STOX2: variants seen among roughly 807,000 people sequenced by gnomAD.
STOX2 encodes storkhead box 2, also known as storkhead-box protein 2.
Under a neutral mutation model 60.9 loss-of-function variants are expected in STOX2, and 28 were observed. The ratio of observed to expected loss-of-function variants is 0.46; its 90% CI spans 0.34 to 0.63. The LOEUF is 0.63. STOX2 is among the 30% of genes least tolerant of loss of function. The pLI is 0.01. For missense variants in STOX2, 1,024 were observed against 1,187.7 expected, an observed-to-expected ratio of 0.86 and a Z score of 2.03; for synonymous variants, 472 against 463.9, an observed-to-expected ratio of 1.02 and a Z score of -0.22.
intron 1 of STOX2, among the ~76,000 whole-genome samples, chr4:183,961,743 G>A (rs12186162): frequency 2.8e-4 from 42 of 152,294 alleles, no homozygotes; most frequent in African/African-American, 8.9e-4. Flanking sequence ...TATGGTTTCC[G>A]TTTATATGGC....
In STOX2 at chr4:183,996,102, A is replaced by T. The variant is rs939900616; in HGVS notation, c.167-5223A>T. ...TATTTTCATGTCTTTTCACATTTTA[A>T]GCTCGCTTAAAAATCTATGGAATGC... On this transcript the variant is annotated intron_variant, in intron 1 of 3. Coordinates refer to ENST00000308497, the MANE Select transcript of STOX2 (RefSeq NM_020225.3). Among the ~76,000 whole-genome samples the T allele has an allele frequency of 7.9e-5, 12 of 152,372 alleles. No individual in the cohort carries two copies. In the South Asian group the frequency reaches 1.7e-3, roughly 21 times the overall value.
intron 1 of STOX2, among the ~76,000 whole-genome samples, chr4:183,828,282 T>G (rs1043121734): frequency 6.6e-5 from 10 of 152,182 alleles, no homozygotes; most frequent in Non-Finnish European, 1.0e-4. Flanking sequence ...ATTTTGCCTC[T>G]GAAGTCATAA....
intron 1 of STOX2, among the ~76,000 whole-genome samples, chr4:183,940,193 G>A (rs539187766): frequency 2.0e-5 from 3 of 152,150 alleles, no homozygotes; most frequent in Non-Finnish European, 4.4e-5. Context: ...GTGAGCCACC[G>A]AGCCCGGCCA....
chr4:183,847,492 A>C (rs1740015014), intron 1 of STOX2, among the ~76,000 whole-genome samples: 1 of 152,222 alleles, frequency 6.6e-6, no homozygotes, highest in Non-Finnish European at 1.5e-5. Flanking sequence ...AAAATAATTC[A>C]GAACATATTG....
upstream of STOX2, among the ~76,000 whole-genome samples, chr4:183,903,678 C>T (rs1361002484): frequency 4.6e-5 from 7 of 152,184 alleles, no homozygotes; most frequent in Admixed American, 4.6e-4. Context: ...CCACCTTTGG[C>T]TCTTGGGAGG....
intron 1 of STOX2, among the ~76,000 whole-genome samples, chr4:183,940,022 G>C (rs977086281): frequency 1.3e-5 from 2 of 152,158 alleles, no homozygotes; most frequent in Admixed American, 1.3e-4. Flanking sequence ...TTCTGCCTCA[G>C]CCTCCTGAGT....
intron 1 of STOX2, among the ~76,000 whole-genome samples, chr4:183,952,789 G>A (rs998525436): frequency 1.3e-5 from 2 of 152,180 alleles, no homozygotes; most frequent in Non-Finnish European, 2.9e-5. Flanking sequence ...TCCTACATAT[G>A]CTCATGAGTG....
At chr4:183,877,844 C>G (rs924440726) in intron 1 of STOX2, among the ~76,000 whole-genome samples, 1 of 152,100 alleles carries the variant, frequency 6.6e-6, no homozygotes, top group African/African-American at 2.4e-5. Context: ...CCACACCTGA[C>G]TAATTTTTTT....
At chr4:183,841,601 G>A (rs1739864292) in intron 1 of STOX2, among the ~76,000 whole-genome samples, 1 of 152,000 alleles carries the variant, frequency 6.6e-6, no homozygotes, top group Non-Finnish European at 1.5e-5. Flanking sequence ...TTTAAAATGA[G>A]GTTCATTTGT....
At chr4:183,990,221 C>G (rs1004001407) in intron 1 of STOX2, among the ~76,000 whole-genome samples, 1 of 152,178 alleles carries the variant, frequency 6.6e-6, no homozygotes. Flanking sequence ...TCAATTCTAC[C>G]CATCCTTAAG....
In STOX2 at chr4:183,806,902, C is replaced by G. The variant is rs908031459; in HGVS notation, c.364+8847C>G. Among the ~76,000 whole-genome samples, 1 of 152,172 alleles carries G rather than the reference C, an allele frequency of 6.6e-6. No homozygotes were observed. Among genetic ancestry groups the G allele is most frequent in the South Asian group, 2.1e-4 (1 of 4,830 alleles). On this transcript the variant is annotated intron_variant, in intron 1 of 2. Coordinates refer to the STOX2 transcript ENST00000513034. This position sits in a 1 kb window ranked among gnomAD's most constrained non-coding sequence, Gnocchi z 4.1. The stretch of plus-strand genomic sequence containing the variant: ...GACTCCCCCGCATGCACTGCCCCCA[C>G]GGCCCCACAGCTCGAAGCCCCCATG...
intron 1 of STOX2, among the ~76,000 whole-genome samples, chr4:183,818,889 C>T (rs182583323): frequency 1.2e-4 from 18 of 151,714 alleles, no homozygotes; most frequent in African/African-American, 3.9e-4. Context: ...GGCAGAGGCG[C>T]GCGTCACTTC....
At chr4:183,981,831 G>C (rs879331999) in intron 1 of STOX2, among the ~76,000 whole-genome samples, 1 of 152,202 alleles carries the variant, frequency 6.6e-6, no homozygotes, top group Non-Finnish European at 1.5e-5. Context: ...AGCACTTTGG[G>C]AGGCCGAGGC....
rs985800556 is a variant in STOX2, at chr4:184,018,435, A to C, written c.*1151A>C. ...AAGATATGTATAGAGAAAACTTTTA[A>C]AATAATTTTTGATTAGAAATATACA... On this transcript the variant is annotated 3_prime_UTR_variant, in exon 4 of 4. Transcript: ENST00000308497. 6.7e-5 allele frequency: 10 copies of C among 149,746 alleles called. No homozygotes were observed. The highest frequency in any genetic ancestry group is 2.4e-4 in the African/African-American group (10 of 41,204). The allele number at this position is 149,746 out of a possible 1,614,324, so 9.3% of individuals were successfully genotyped here.
chr4:183,904,730 T>C (rs1436535845), upstream of STOX2, among the ~76,000 whole-genome samples: 1 of 152,218 alleles, frequency 6.6e-6, no homozygotes, highest in African/African-American at 2.4e-5. Flanking sequence ...ATTCTAGATT[T>C]TATAATGCCT....
intron 2 of STOX2, among the ~76,000 whole-genome samples, chr4:184,005,992 A>G (rs1380758178): frequency 6.6e-6 from 1 of 152,180 alleles, no homozygotes; most frequent in Non-Finnish European, 1.5e-5. Context: ...TTTTCTTTTT[A>G]TTCCTTCATT....
intron 1 of STOX2, among the ~76,000 whole-genome samples, chr4:183,820,777 G>A (rs1010970935): frequency 1.3e-5 from 2 of 152,122 alleles, no homozygotes; most frequent in Non-Finnish European, 2.9e-5. Context: ...GACATTCAAG[G>A]TAACTCAGAA....
exon 1 of STOX2, chr4:183,798,023 G>T (rs1025313755): frequency 1.9e-5 from 23 of 1,230,090 alleles, no homozygotes; most frequent in Non-Finnish European, 2.2e-5. Context: ...CGGGCCCTGC[G>T]GCCGCCCTCG....
chr4:184,010,112 G>A lies in STOX2; in HGVS notation c.1274G>A (p.Ser425Asn), dbSNP rs1379608316. 4.4e-6 allele frequency: 7 copies of A among 1,594,074 alleles called. No homozygotes were observed. Among genetic ancestry groups the A allele is most frequent in the Admixed American group, 1.8e-5 (1 of 56,386 alleles). ...EHKGDNFIMH[S>N]NTNVLESHFP... The stretch of plus-strand genomic sequence containing the variant: ...AAAGGAGATAACTTCATCATGCACA[G>A]CAACACAAACGTGCTCGAGTCCCAC... The change falls in exon 3 of 4, where the codon AGC (serine) becomes AAC (asparagine). Residue 425 changes from serine (S) to asparagine (N), a missense_variant. Ser to Asn is a conservative substitution (Grantham distance 46). This residue lies in a region of STOX2 where 922 missense variants were observed against 1,058.3 expected (regional missense o/e 0.87). Coordinates refer to ENST00000308497, the MANE Select transcript of STOX2 (RefSeq NM_020225.3). This position sits in a 1 kb window ranked among gnomAD's most constrained non-coding sequence, Gnocchi z 4.5.
Sources: gnomAD v4.1 joint callset for allele counts (sites outside exome capture counted in the v4.1 genomes callset) on GRCh38, gnomAD v4.1.1 for gene constraint, gnomAD v4.1.1 regional missense constraint, Gnocchi (gnomAD v3.1) non-coding constraint, MANE v1.5 for transcripts, NCBI Gene and HGNC (gene_info 2026-07-23, HGNC 2026-07-21) for gene names.